The following RIC3 variants were observed in gnomAD, a reference collection of about 807,000 sequenced individuals.
The protein encoded by RIC3 is RIC3 acetylcholine receptor chaperone.
RIC3 carries 28 observed loss-of-function variants against 27.3 expected under a neutral mutation model. The observed-to-expected ratio is 1.02, with a 90% confidence interval of 0.76 to 1.41. RIC3 has a LOEUF of 1.41. RIC3 is among the 40% of genes most tolerant of loss of function. RIC3 has a pLI of 0.00. For missense variants in RIC3, 501 were observed against 444.7 expected (o/e 1.13, Z -1.14); for synonymous variants, 184 against 160.4 (o/e 1.15, Z -1.11).
the RIC3 span, chr11:8,094,142 G>A: frequency 1.2e-6 from 2 of 1,614,114 alleles, no homozygotes; most frequent in African/African-American, 1.3e-5. Flanking sequence ...GCTACAGCAG[G>A]GGGCCAGGGT....
At chr11:8,113,527 C>G (rs1945495495) in intron 5 of RIC3, among the ~76,000 whole-genome samples, 1 of 152,148 alleles carries the variant, frequency 6.6e-6, no homozygotes, top group Non-Finnish European at 1.5e-5. Flanking sequence ...GCCCACATAG[C>G]CCAGTGCCAA....
chr11:8,101,500 A>T, downstream of RIC3: 1 of 1,614,124 alleles, frequency 6.2e-7, no homozygotes, highest in Non-Finnish European at 8.5e-7. Context: ...CTACATCGTG[A>T]TGCAGTTTGG....
intron 1 of RIC3, among the ~76,000 whole-genome samples, chr11:8,164,781 C>CA (rs199958835): frequency 0.048 from 4,019 of 83,750 alleles, 527 homozygotes; most frequent in Non-Finnish European, 0.065. Flanking sequence ...CTGTCTCTCT[C>CA]AAAAAAAAAA....
downstream of RIC3, chr11:8,101,899 G>A (rs757544856): frequency 2.5e-5 from 11 of 435,458 alleles, no homozygotes; most frequent in Admixed American, 3.8e-5. Context: ...GTAGTAGTGT[G>A]TTGTAGTCGT....
intron 5 of RIC3, among the ~76,000 whole-genome samples, chr11:8,118,527 T>TAAAAAAAAA (rs11378233): frequency 1.5e-5 from 1 of 66,678 alleles, no homozygotes. Flanking sequence ...GCCATAATTG[T>TAAAAAAAAA]AAAAAAAAAA....
Position 8,110,322 on chromosome 11 carries a change from C to G in RIC3, c.*376G>C, listed in dbSNP as rs540846850. 3.7e-4 allele frequency: 129 copies of G among 349,560 alleles called. No individual in the cohort carries two copies. The highest frequency in any genetic ancestry group is 1.9e-3 in the African/African-American group (88 of 47,276). The allele number at this position is 349,560 out of a possible 1,614,324, so 21.7% of individuals were successfully genotyped here. ...CATTCTTGCAACCTTAAGTCCTCAT[C>G]ATCTGTAAGCTGATGTTCGTTCACA... On this transcript the variant is annotated 3_prime_UTR_variant, in exon 6 of 6. Coordinates refer to ENST00000309737, the MANE Select transcript of RIC3 (RefSeq NM_001206671.4).
At chr11:8,168,178 T>C (rs560205954) in intron 1 of RIC3, among the ~76,000 whole-genome samples, 1 of 152,272 alleles carries the variant, frequency 6.6e-6, no homozygotes, top group South Asian at 2.1e-4. Context: ...GCCTTTACAC[T>C]CATTCTGTAA....
chr11:8,162,883 C>A (rs1237663792), intron 1 of RIC3, among the ~76,000 whole-genome samples: 1 of 151,894 alleles, frequency 6.6e-6, no homozygotes, highest in Non-Finnish European at 1.5e-5. Context: ...TGGCCTCAAG[C>A]AATCTGCCTG....
chr11:8,111,049 T>C lies in RIC3; in HGVS notation c.759A>G (p.Pro253=), dbSNP rs201295995. ...QETILVDYPD[P]KELSAEEIAE... is the part of the protein sequence containing the mutation. ...CTATTTCTTCAGCAGAAAGTTCTTT[T>C]GGGTCAGGGTAATCCACCAAGATTG... is the stretch of plus-strand genomic sequence containing the variant. The change falls in exon 6 of 6, where the codon CCA becomes CCG. Residue 253 remains proline (P), a synonymous_variant. Coordinates refer to ENST00000309737, the MANE Select transcript of RIC3 (RefSeq NM_001206671.4). 2 of 1,614,176 alleles carry C rather than the reference T, an allele frequency of 1.2e-6. No homozygotes were observed. Among genetic ancestry groups the C allele is most frequent in the Non-Finnish European group, 1.7e-6 (2 of 1,180,012 alleles).
chr11:8,096,740 C>T, the RIC3 span: 1 of 1,614,080 alleles, frequency 6.2e-7, no homozygotes, highest in Non-Finnish European at 8.5e-7. Context: ...AGGAGAATAG[C>T]TCCAGCTCCT....
chr11:8,098,139 T>C, the RIC3 span, among the ~76,000 whole-genome samples: 2 of 151,262 alleles, frequency 1.3e-5, no homozygotes, highest in Non-Finnish European at 2.9e-5. Flanking sequence ...CTTGGCTCCA[T>C]GGTCAATGCC....
At chr11:8,126,564 T>C (rs1947013333) in intron 5 of RIC3, 95 bp downstream of exon 5, 10 of 1,409,160 alleles carry the variant, frequency 7.1e-6, no homozygotes, top group Non-Finnish European at 9.7e-6. Flanking sequence ...ACTGTTTATA[T>C]ATTATACCTC....
At chr11:8,129,612 T>A (rs1034644646) in intron 4 of RIC3, among the ~76,000 whole-genome samples, 1 of 152,150 alleles carries the variant, frequency 6.6e-6, no homozygotes, top group South Asian at 2.1e-4. Flanking sequence ...AAGGTCACAG[T>A]TGGGAAACAC....
chr11:8,166,104 A>C (rs1284266333), intron 1 of RIC3, among the ~76,000 whole-genome samples: 2 of 152,118 alleles, frequency 1.3e-5, no homozygotes, highest in Non-Finnish European at 2.9e-5. Context: ...AACCCTTCTT[A>C]AGTCCCAATA....
At chr11:8,129,677 CA>C (rs1590171152) in intron 4 of RIC3, among the ~76,000 whole-genome samples, 3 of 152,276 alleles carry the variant, frequency 2.0e-5, no homozygotes, top group South Asian at 2.1e-4. Flanking sequence ...GTTCCAAATG[CA>C]AGAGTTAAGT....
intron 1 of RIC3, among the ~76,000 whole-genome samples, chr11:8,164,880 T>C (rs1298988128): frequency 6.9e-6 from 1 of 145,966 alleles, no homozygotes; most frequent in Admixed American, 6.8e-5. Flanking sequence ...GATATACAAA[T>C]AGACAAAGAG....
chr11:8,141,431 A>G (rs945925643), intron 1 of RIC3, among the ~76,000 whole-genome samples: 1 of 152,196 alleles, frequency 6.6e-6, no homozygotes, highest in Non-Finnish European at 1.5e-5. Context: ...AGAGACAAAG[A>G]AGGCCATTAC....
At chr11:8,097,854 G>A in the RIC3 span, 11 of 1,575,692 alleles carry the variant, frequency 7.0e-6, no homozygotes, top group Middle Eastern at 3.3e-4. Context: ...GGAAGCAGGC[G>A]GGAGTGGGAG....
chr11:8,095,741 T>C, the RIC3 span: 2 of 1,468,130 alleles, frequency 1.4e-6, no homozygotes, highest in South Asian at 2.6e-5. Flanking sequence ...TCTGGGAGCA[T>C]GGCCTTCCTG....
Sources: allele counts gnomAD v4.1 joint callset (sites outside exome capture counted in the v4.1 genomes callset), GRCh38; gene constraint gnomAD v4.1.1; transcripts MANE v1.5; gene names NCBI Gene and HGNC (gene_info 2026-07-23, HGNC 2026-07-21).